The following LMO7 variants were observed in gnomAD, a reference collection of about 807,000 sequenced individuals.
The protein encoded by LMO7 is LIM domain 7, also known as LIM domain only protein 7.
LMO7 carries 120 observed loss-of-function variants against 206.5 expected under a neutral mutation model. The observed-to-expected ratio is 0.58, with a 90% CI of 0.50 to 0.68. LMO7 has a LOEUF of 0.68. LMO7 is among the 30% of genes least tolerant of loss of function. The pLI, the probability that LMO7 is intolerant of heterozygous loss-of-function variation, is 0.00. For synonymous variants in LMO7, 706 were observed against 681.5 expected, an observed-to-expected ratio of 1.04 and a Z score of -0.56; for missense variants, 1,959 against 1,957.9, an observed-to-expected ratio of 1.00 and a Z score of -0.01.
chr13:75,789,341 G>A (rs2052921612), intron 4 of LMO7, among the ~76,000 whole-genome samples: 1 of 152,168 alleles, frequency 6.6e-6, no homozygotes, highest in Non-Finnish European at 1.5e-5. Context: ...AGGAGGTTAT[G>A]TTATTTAGGC....
rs577282805 is a variant in LMO7 at position 75,781,395 on chromosome 13, G to A, written c.318-14006G>A. On this transcript the variant is annotated intron_variant, in intron 4 of 30. Coordinates refer to ENST00000377534, the MANE Select transcript of LMO7 (RefSeq NM_001306080.2). ...ATGTGGTGTTTGGTTTTTTGTTCTTGCGATAGTTTACTGAGAATGATGATT... is the reference window on the plus strand; with the variant it reads ...ATGTGGTGTTTGGTTTTTTGTTCTTACGATAGTTTACTGAGAATGATGATT... 6.8e-3 allele frequency among the ~76,000 whole-genome samples: 994 copies of A among 145,928 alleles called. 7 individuals carry two copies. Among genetic ancestry groups the A allele is most frequent in the African/African-American group, 0.024 (949 of 39,562 alleles).
intron 1 of LMO7, among the ~76,000 whole-genome samples, chr13:75,685,157 T>C (rs758821196): frequency 2.0e-5 from 3 of 152,204 alleles, no homozygotes; most frequent in Non-Finnish European, 4.4e-5. Flanking sequence ...ATGAAAAGAT[T>C]TCACCTGAGT....
chr13:75,839,948 A>T (rs780262720), intron 20 of LMO7, 137 bp from the exon 21 acceptor site: 5 of 732,382 alleles, frequency 6.8e-6, no homozygotes, highest in Non-Finnish European at 1.1e-5. Context: ...TTTACTGACT[A>T]TTGTTTAAAA....
intron 3 of LMO7, among the ~76,000 whole-genome samples, chr13:75,746,084 A>T (rs626182): frequency 6.6e-6 from 1 of 151,936 alleles, no homozygotes; most frequent in Admixed American, 6.6e-5. Context: ...GACGTAGTCA[A>T]ATTTTCCACG....
In LMO7 at chr13:75,641,310, A is replaced by G. The variant is rs575944634; in HGVS notation, c.69+4584A>G. Among the ~76,000 whole-genome samples, 5 of 152,342 alleles carry G rather than the reference A, an allele frequency of 3.3e-5. No individual in the cohort carries two copies. The South Asian group carries it at 8.3e-4, about 25-fold the overall frequency. On this transcript the variant is annotated intron_variant, in intron 1 of 30. Coordinates refer to ENST00000377534, the MANE Select transcript of LMO7 (RefSeq NM_001306080.2). Reference sequence around the variant, plus strand: ...CCTTTTTTAACTTGTCGTGTGTGAAATCTTGAAGTTGCAGACAGCATAGCT... The same window carrying G: ...CCTTTTTTAACTTGTCGTGTGTGAAGTCTTGAAGTTGCAGACAGCATAGCT...
chr13:75,737,761 A>T (rs866605524), intron 3 of LMO7, among the ~76,000 whole-genome samples: 729 of 42,240 alleles, frequency 0.017, 42 homozygotes, highest in East Asian at 0.079. Flanking sequence ...TCAAAAAAAA[A>T]AAAAATAAAA....
intron 3 of LMO7, among the ~76,000 whole-genome samples, chr13:75,746,642 G>T (rs558352532): frequency 4.7e-4 from 72 of 152,266 alleles, no homozygotes; most frequent in Non-Finnish European, 9.0e-4. Context: ...CCATTATATG[G>T]GATGTCCTGT....
intron 1 of LMO7, among the ~76,000 whole-genome samples, chr13:75,672,603 G>A (rs1421307633): frequency 1.3e-5 from 2 of 152,026 alleles, no homozygotes; most frequent in Non-Finnish European, 2.9e-5. Flanking sequence ...GTAACACTGG[G>A]CACAGGTTGT....
At chr13:75,790,483 A>G (rs1361099606) in intron 4 of LMO7, among the ~76,000 whole-genome samples, 1 of 152,142 alleles carries the variant, frequency 6.6e-6, no homozygotes, top group Non-Finnish European at 1.5e-5. Flanking sequence ...CACTCAACCA[A>G]GCTTCCTCCT....
At chr13:75,794,385 A>G (rs1243188484) in intron 4 of LMO7, among the ~76,000 whole-genome samples, 1 of 152,128 alleles carries the variant, frequency 6.6e-6, no homozygotes, top group Admixed American at 6.5e-5. Context: ...TTTTCTGGAA[A>G]GGAATGGTCT....
chr13:75,682,339 A>G (rs1254867819), intron 1 of LMO7, among the ~76,000 whole-genome samples: 1 of 152,198 alleles, frequency 6.6e-6, no homozygotes, highest in African/African-American at 2.4e-5. Context: ...AATGGCACAC[A>G]AAGTAAATAG....
intron 15 of LMO7, among the ~76,000 whole-genome samples, chr13:75,825,925 C>T (rs1172581677): frequency 6.6e-6 from 1 of 152,126 alleles, no homozygotes; most frequent in African/African-American, 2.4e-5. Context: ...GAATGTTCTT[C>T]AGGTCATTTT....
rs58964680 is a variant in LMO7, at chr13:75,776,162, G to GATATATATATAT, written c.317+15156_317+15167dup. ...ATATATATGCCATGTATATATATCG[G>GATATATATATAT]ATATATATATATATATATATATATA... is the stretch of plus-strand genomic sequence containing the variant. On this transcript the variant is annotated intron_variant, in intron 4 of 30. Transcript: ENST00000377534. Among the ~76,000 whole-genome samples the GATATATATATAT allele has an allele frequency of 9.8e-3, 360 of 36,708 alleles. 25 individuals carry two copies. Among genetic ancestry groups the GATATATATATAT allele is most frequent in the Non-Finnish European group, 0.014 (228 of 16,598 alleles). The allele number at this position is 36,708 out of a possible 152,430, so 24.1% of individuals were successfully genotyped here.
rs1291492242 is a variant in LMO7 at position 75,804,299 on chromosome 13, T to A, written c.672T>A (p.Ser224Arg). ...TLRGGREGFE[S>R]DTDSEFTFKM... Reference sequence around the variant, plus strand: ...GTGCCTTCTTTATAGGTTTTGAAAGTGACACAGATTCGGAATTTACATTTA... The same window carrying A: ...GTGCCTTCTTTATAGGTTTTGAAAGAGACACAGATTCGGAATTTACATTTA... Residue 224 changes from serine to arginine, a missense_variant, in exon 8 of 31, where the codon AGT becomes AGA. Ser to Arg is a moderately radical substitution (Grantham distance 110, BLOSUM62 -1). Coordinates refer to ENST00000377534, the MANE Select transcript of LMO7 (RefSeq NM_001306080.2). 4 of 1,612,430 alleles carry A rather than the reference T, an allele frequency of 2.5e-6. No homozygotes were observed. In the African/African-American group the frequency reaches 5.3e-5, roughly 22 times the overall value.
At chr13:75,797,024 T>C (rs567360993) in intron 6 of LMO7, among the ~76,000 whole-genome samples, 1 of 152,316 alleles carries the variant, frequency 6.6e-6, no homozygotes, top group African/African-American at 2.4e-5. Flanking sequence ...TGATGACACA[T>C]GCATTGGCTT....
At chr13:75,719,043 G>A (rs141863950) in intron 2 of LMO7, among the ~76,000 whole-genome samples, 1,882 of 150,318 alleles carry the variant, frequency 0.013, 20 homozygotes, top group Non-Finnish European at 0.018. Context: ...GCAATGGCGC[G>A]ATCTCGGCTT....
At chr13:75,695,454 C>G (rs2041828308) in intron 1 of LMO7, among the ~76,000 whole-genome samples, 1 of 152,248 alleles carries the variant, frequency 6.6e-6, no homozygotes, top group Non-Finnish European at 1.5e-5. Flanking sequence ...TCAAGCGATT[C>G]TCCTGTCTCA....
rs1354018724 is a variant in LMO7, at chr13:75,766,221, C to T, written c.317+5183C>T. ...TTTAAAATTGCTAATACTGAAATAC[C>T]TGTAGTTCCCTCAGTCTTTTTTTTT... On this transcript the variant is annotated intron_variant, in intron 4 of 30. Coordinates refer to ENST00000377534, the MANE Select transcript of LMO7 (RefSeq NM_001306080.2). 2.7e-5 allele frequency among the ~76,000 whole-genome samples: 4 copies of T among 145,978 alleles called. No individual in the cohort carries two copies. In the East Asian group the frequency reaches 8.2e-4, roughly 30 times the overall value.
chr13:75,696,749 G>A (rs539788936), intron 1 of LMO7, among the ~76,000 whole-genome samples: 2 of 152,188 alleles, frequency 1.3e-5, no homozygotes, highest in South Asian at 2.1e-4. Flanking sequence ...CAGGGCAGGC[G>A]TTATGCTGGG....
Sources: gnomAD v4.1 joint callset for allele counts (sites outside exome capture counted in the v4.1 genomes callset) on GRCh38, gnomAD v4.1.1 for gene constraint, MANE v1.5 for transcripts, NCBI Gene and HGNC (gene_info 2026-07-23, HGNC 2026-07-21) for gene names.